RNF24: variants seen among roughly 807,000 people sequenced by gnomAD.
The protein encoded by RNF24 is ring finger protein 24.
RNF24 carries 14 observed loss-of-function variants against 20.0 expected under a neutral mutation model. The ratio of observed to expected loss-of-function variants is 0.70; its 90% CI spans 0.46 to 1.10. RNF24 has a LOEUF of 1.10. Ranked by LOEUF, RNF24 falls within the 50% of genes least tolerant of loss-of-function variation. RNF24 has a pLI of 0.00. For missense variants in RNF24, 124 were observed against 177.6 expected, an observed-to-expected ratio of 0.70 and a Z score of 1.71; for synonymous variants, 45 against 61.1, an observed-to-expected ratio of 0.74 and a Z score of 1.23.
At chr20:4,001,715 C>T (rs979367184) in intron 1 of RNF24, among the ~76,000 whole-genome samples, 2 of 151,964 alleles carry the variant, frequency 1.3e-5, no homozygotes, top group African/African-American at 2.4e-5. Context: ...GTGGAAGGAT[C>T]GCTTGAACCT....
intron 1 of RNF24, among the ~76,000 whole-genome samples, chr20:4,003,708 T>C (rs1981613992): frequency 7.2e-6 from 1 of 138,612 alleles, no homozygotes; most frequent in South Asian, 2.4e-4. Context: ...AATGGCGTGA[T>C]CTCGGCTCAC....
chr20:3,957,532 CTTTA>C (rs1262667510), intron 2 of RNF24, among the ~76,000 whole-genome samples: 26 of 150,860 alleles, frequency 1.7e-4, no homozygotes, highest in East Asian at 3.9e-4. Flanking sequence ...TAAAATGAGG[CTTTA>C]TTTGTTAATT....
chr20:3,996,682 A>C (rs1980894232), intron 1 of RNF24, among the ~76,000 whole-genome samples: 1 of 152,190 alleles, frequency 6.6e-6, no homozygotes, highest in South Asian at 2.1e-4. Context: ...GGCCAATGTA[A>C]CTGATGCACA....
chr20:3,978,389 TAGAAG>T (rs113136456), intron 1 of RNF24, among the ~76,000 whole-genome samples: 107,387 of 151,232 alleles, frequency 0.71, 38,306 homozygotes, highest in South Asian at 0.82. Context: ...TCAAAATAGC[TAGAAG>T]AGAAGAATTT....
chr20:3,964,839 C>T (rs2146991420), intron 1 of RNF24, among the ~76,000 whole-genome samples: 1 of 152,200 alleles, frequency 6.6e-6, no homozygotes, highest in South Asian at 2.1e-4. Context: ...ATTCTATACA[C>T]AAGGAAACTG....
intron 1 of RNF24, among the ~76,000 whole-genome samples, chr20:3,969,416 T>C (rs1326172689): frequency 2.0e-5 from 3 of 152,028 alleles, no homozygotes; most frequent in Non-Finnish European, 4.4e-5. Context: ...GAACCACATG[T>C]TAACGAGTTC....
intron 4 of RNF24, among the ~76,000 whole-genome samples, chr20:3,943,150 G>C (rs1229183085): frequency 6.6e-6 from 1 of 152,056 alleles, no homozygotes. Context: ...TCACCAAGAA[G>C]ATATTCAATG....
intron 1 of RNF24, chr20:3,974,190 C>T (rs1225486874): frequency 1.3e-6 from 1 of 785,060 alleles, no homozygotes; most frequent in African/African-American, 1.8e-5. Context: ...TTAAAAAACT[C>T]CCAGAAATAG....
intron 1 of RNF24, among the ~76,000 whole-genome samples, chr20:4,009,043 T>C (rs1481029939): frequency 6.6e-6 from 1 of 152,222 alleles, no homozygotes; most frequent in African/African-American, 2.4e-5. Flanking sequence ...GTGCCTCTTT[T>C]GCCCATGTAC....
intron 1 of RNF24, among the ~76,000 whole-genome samples, chr20:3,981,653 G>A (rs1979392190): frequency 6.6e-6 from 1 of 151,888 alleles, no homozygotes; most frequent in African/African-American, 2.4e-5. Context: ...CTACAGGCAT[G>A]CACCATCATG....
rs1327026497 is a variant in RNF24 at position 3,927,603 on chromosome 20, C to G, written c.*6460G>C. On this transcript the variant is annotated 3_prime_UTR_variant, in exon 6 of 6. Transcript: ENST00000358395. ...CTACAAGACGAAAAAGTGCCCCGTT[C>G]CTGGCAATGATGTCAGAAGACCAAG... is the stretch of plus-strand genomic sequence containing the variant. The G allele has an allele frequency of 2.6e-5, 4 of 152,180 alleles. No individual in the cohort carries two copies. The highest frequency in any genetic ancestry group is 9.7e-5 in the African/African-American group (4 of 41,440). The allele number at this position is 152,180 out of a possible 1,614,324, so 9.4% of individuals were successfully genotyped here.
intron 4 of RNF24, among the ~76,000 whole-genome samples, chr20:3,940,147 G>T (rs112785379): frequency 6.6e-6 from 1 of 151,878 alleles, no homozygotes; most frequent in Non-Finnish European, 1.5e-5. Flanking sequence ...TAGTAGAGAC[G>T]GGGTTTCTCT....
In RNF24 at chr20:3,933,495, C is replaced by A. The variant is rs1030954410; in HGVS notation, c.*568G>T. The A allele has an allele frequency of 3.9e-6, 1 of 259,432 alleles. No individual in the cohort carries two copies. Among genetic ancestry groups the A allele is most frequent in the Non-Finnish European group, 7.2e-6 (1 of 138,680 alleles). The allele number at this position is 259,432 out of a possible 1,614,324, so 16.1% of individuals were successfully genotyped here. A position where few individuals can be genotyped will look rare whatever the true frequency, so the allele number is the denominator to read the frequency against. ...ATGATTTGATAGCAGGTGTTGTAAT[C>A]CTGAGGGGGAAATGGGTGACGAGGA... On this transcript the variant is annotated 3_prime_UTR_variant, in exon 6 of 6. Coordinates refer to ENST00000358395, the MANE Select transcript of RNF24 (RefSeq NM_001134337.3).
In RNF24 at chr20:3,964,043, A is replaced by G. The variant is rs539085673; in HGVS notation, c.-7-19T>C. On this transcript the variant is annotated intron_variant, in intron 1 of 5. Transcript: ENST00000358395. ...GGATGAACTGTGGGGGAAGAAAAGA[A>G]TGGAAAAAAAATAGGTAAAGACTAA... 135 of 1,608,508 alleles carry G rather than the reference A, an allele frequency of 8.4e-5. 2 individuals are homozygous for G. In the South Asian group the frequency reaches 1.4e-3, roughly 17 times the overall value.
intron 1 of RNF24, among the ~76,000 whole-genome samples, chr20:3,998,640 CA>C (rs1981115209): frequency 1.4e-5 from 2 of 147,612 alleles, no homozygotes; most frequent in Admixed American, 6.8e-5. Flanking sequence ...CCTGTAATCC[CA>C]GCTACTCAGG....
chr20:3,937,203 A>G (rs1447023331), intron 4 of RNF24, among the ~76,000 whole-genome samples: 1 of 152,196 alleles, frequency 6.6e-6, no homozygotes, highest in Non-Finnish European at 1.5e-5. Context: ...TCCTAAAACT[A>G]TAGCCACCTG....
chr20:4,002,793 T>A (rs575432215), intron 1 of RNF24, among the ~76,000 whole-genome samples: 4 of 152,144 alleles, frequency 2.6e-5, no homozygotes, highest in East Asian at 1.9e-4. Flanking sequence ...AATACATTTT[T>A]AAAAAAAACT....
chr20:4,007,723 G>A (rs943664984), intron 1 of RNF24, among the ~76,000 whole-genome samples: 6 of 133,894 alleles, frequency 4.5e-5, no homozygotes, highest in Admixed American at 4.1e-4. Flanking sequence ...GCAACATAGT[G>A]AGACCCTGTC....
chr20:4,012,427 AAC>A (rs1491279291), intron 1 of RNF24, among the ~76,000 whole-genome samples: 5 of 150,360 alleles, frequency 3.3e-5, no homozygotes, highest in Non-Finnish European at 6.0e-5. Context: ...AAAAAAAAAA[AAC>A]AACAAAACAC....
Sources: allele counts gnomAD v4.1 joint callset (sites outside exome capture counted in the v4.1 genomes callset), GRCh38; gene constraint gnomAD v4.1.1; transcripts MANE v1.5; gene names NCBI Gene and HGNC (gene_info 2026-07-23, HGNC 2026-07-21).